UBOX5: variants seen among roughly 807,000 people sequenced by gnomAD.
The protein encoded by UBOX5 is U-box domain containing 5.
In UBOX5, 28 loss-of-function variants were observed where a neutral mutation model predicts 39.0. The ratio of observed to expected loss-of-function variants is 0.72; its 90% CI spans 0.53 to 0.98. The LOEUF (loss-of-function observed/expected upper bound fraction) is 0.98, where lower values mean the gene tolerates loss of function less well. Among genes scored for constraint, UBOX5 ranks in the 50% least tolerant of loss-of-function variants. The pLI is 0.00. For synonymous variants in UBOX5, 283 were observed against 275.5 expected, an observed-to-expected ratio of 1.03 and a Z score of -0.27; for missense variants, 585 against 674.4, an observed-to-expected ratio of 0.87 and a Z score of 1.47.
intron 3 of UBOX5, among the ~76,000 whole-genome samples, chr20:3,118,813 C>T (rs2066313043): frequency 6.6e-6 from 1 of 152,096 alleles, no homozygotes; most frequent in Non-Finnish European, 1.5e-5. Flanking sequence ...TTGGCACGCA[C>T]CTATAGTCCC....
At chr20:3,153,979 A>C (rs1024896619) in intron 1 of UBOX5, among the ~76,000 whole-genome samples, 12 of 152,170 alleles carry the variant, frequency 7.9e-5, no homozygotes, top group Non-Finnish European at 1.6e-4. Flanking sequence ...TGGAATGCTC[A>C]ACCTGTACTT....
chr20:3,147,067 G>A (rs2066571759), intron 1 of UBOX5: 1 of 1,614,204 alleles, frequency 6.2e-7, no homozygotes, highest in Non-Finnish European at 8.5e-7. Context: ...CATTGCAAAG[G>A]AAGCCCCCCA....
chr20:3,116,692 C>G (rs1289891004), intron 3 of UBOX5: 1 of 152,132 alleles, frequency 6.6e-6, no homozygotes, highest in Non-Finnish European at 1.5e-5. Context: ...CTCTTAAAAC[C>G]AAAGACACAG....
intron 1 of UBOX5, among the ~76,000 whole-genome samples, chr20:3,144,283 C>T (rs2066541865): frequency 6.6e-6 from 1 of 152,062 alleles, no homozygotes; most frequent in East Asian, 1.9e-4. Flanking sequence ...GTGGTATTGG[C>T]ATAAGAATAG....
intron 1 of UBOX5, chr20:3,147,879 G>C (rs753715819): frequency 3.1e-6 from 5 of 1,614,146 alleles, no homozygotes; most frequent in Admixed American, 1.7e-5. Context: ...GAGCAGTAAA[G>C]AGTCAGGTGC....
chr20:3,126,009 T>G (rs2066384953), intron 1 of UBOX5, among the ~76,000 whole-genome samples: 1 of 152,088 alleles, frequency 6.6e-6, no homozygotes, highest in South Asian at 2.1e-4. Flanking sequence ...ACCCAATAGC[T>G]CCGAAGAGAC....
chr20:3,158,165 C>T (rs573433735), intron 1 of UBOX5, among the ~76,000 whole-genome samples: 13 of 151,970 alleles, frequency 8.6e-5, no homozygotes, highest in South Asian at 2.1e-4. Flanking sequence ...GACAGAGTTT[C>T]CCTATGTTGC....
At chr20:3,148,288 A>G (rs2066589457) in intron 1 of UBOX5, 2 of 1,611,500 alleles carry the variant, frequency 1.2e-6, no homozygotes, top group East Asian at 4.5e-5. Flanking sequence ...AAATGTTTAA[A>G]AACCTAGGTA....
At chr20:3,143,881 C>T (rs948573694) in intron 1 of UBOX5, among the ~76,000 whole-genome samples, 3 of 152,122 alleles carry the variant, frequency 2.0e-5, no homozygotes, top group African/African-American at 7.2e-5. Context: ...ATCGCTTGAG[C>T]CCAGGATTTG....
chr20:3,149,408 T>C lies in UBOX5; in HGVS notation c.-42+10358A>G, dbSNP rs1260813058. 1 of 281,102 alleles carries C rather than the reference T, an allele frequency of 3.6e-6. No homozygotes were observed. Among genetic ancestry groups the C allele is most frequent in the East Asian group, 7.4e-5 (1 of 13,488 alleles). The allele number at this position is 281,102 out of a possible 1,614,324, so 17.4% of individuals were successfully genotyped here. A position where few individuals can be genotyped will look rare whatever the true frequency, so the allele number is the denominator to read the frequency against. ...TGCCCAAACCACATGACAGCATATATCAAGGATAAATTCTGCGGTCTGTGT... is the reference window on the plus strand; with the variant it reads ...TGCCCAAACCACATGACAGCATATACCAAGGATAAATTCTGCGGTCTGTGT... On this transcript the variant is annotated intron_variant, in intron 1 of 4. Transcript: ENST00000217173. The surrounding 1 kb of genome is among the most constrained non-coding windows in gnomAD (Gnocchi z 4.1).
rs778720269 is a variant in UBOX5, at chr20:3,107,843, G to C, written c.*2263C>G. On this transcript the variant is annotated 3_prime_UTR_variant, in exon 5 of 5. Coordinates refer to ENST00000217173, the MANE Select transcript of UBOX5 (RefSeq NM_014948.4). This position sits in a 1 kb window ranked among gnomAD's most constrained non-coding sequence, Gnocchi z 5.0. ...ATGCAGATCCCCAGGGACCTGCAGC[G>C]GTCTGGGCAGTACCTCCAACACAGC... 10 of 152,290 alleles carry C rather than the reference G, an allele frequency of 6.6e-5. No individual in the cohort carries two copies. Among genetic ancestry groups the C allele is most frequent in the African/African-American group, 2.4e-4 (10 of 41,420 alleles). 9.4% of individuals were successfully genotyped at this position (152,290 alleles called of 1,614,324 possible). A position where few individuals can be genotyped will look rare whatever the true frequency, so the allele number is the denominator to read the frequency against.
At chr20:3,114,946 T>C (rs2066281864) in intron 4 of UBOX5, among the ~76,000 whole-genome samples, 1 of 151,804 alleles carries the variant, frequency 6.6e-6, no homozygotes. Context: ...AGATGCAGTC[T>C]CAAATAAATA....
chr20:3,151,816 G>GCAGGATGGC, intron 1 of UBOX5: 1 of 151,924 alleles, frequency 6.6e-6, no homozygotes, highest in South Asian at 2.1e-4. Flanking sequence ...AAAAGAGACA[G>GCAGGATGGC]CAGGATGGCC....
chr20:3,137,262 A>C (rs1204187306), intron 1 of UBOX5, among the ~76,000 whole-genome samples: 2 of 151,824 alleles, frequency 1.3e-5, no homozygotes, highest in Non-Finnish European at 2.9e-5. Context: ...GTTTCTTTTT[A>C]AAAGATCTAA....
intron 1 of UBOX5, among the ~76,000 whole-genome samples, chr20:3,154,798 T>C (rs915030571): frequency 6.6e-6 from 1 of 151,862 alleles, no homozygotes; most frequent in African/African-American, 2.4e-5. Context: ...AACCAAAAAT[T>C]ATGAGCAAAC....
rs769562837 is a variant in UBOX5 at position 3,121,374 on chromosome 20, G to T, written c.1255+10C>A. ...ATGAGCCTGGCTGCGGACACAGGAT[G>T]CTGAATTACCTGTCGAGCAGTCCAT... On this transcript the variant is annotated intron_variant, in intron 3 of 4. Transcript: ENST00000217173. 1.9e-6 allele frequency: 3 copies of T among 1,597,708 alleles called. No individual in the cohort carries two copies. The highest frequency in any genetic ancestry group is 1.7e-5 in the Admixed American group (1 of 58,560).
chr20:3,115,425 T>C lies in UBOX5; in HGVS notation c.1297A>G (p.Ile433Val). 6.2e-7 allele frequency: 1 copy of C among 1,614,000 alleles called. No homozygotes were observed. The change falls in exon 4 of 5, where the codon ATT (isoleucine) becomes GTT (valine). Residue 433 changes from isoleucine (I) to valine (V), a missense_variant. Coordinates refer to ENST00000217173, the MANE Select transcript of UBOX5 (RefSeq NM_014948.4). ...HEQKLSQSLE[I>V]ALASTLGSMP... ...GAGCCAAGGGTGGATGCCAAGGCAATTTCCAAGCTTTGTGACAGCTTCTGC... is the reference window on the plus strand; with the variant it reads ...GAGCCAAGGGTGGATGCCAAGGCAACTTCCAAGCTTTGTGACAGCTTCTGC...
intron 1 of UBOX5, among the ~76,000 whole-genome samples, chr20:3,127,873 T>A (rs2066402436): frequency 6.6e-6 from 1 of 152,186 alleles, no homozygotes; most frequent in Non-Finnish European, 1.5e-5. Context: ...TGGCTTTAAG[T>A]TCATCATGAT....
rs752542712 is a variant in UBOX5, at chr20:3,148,058, C to T, written c.-42+11708G>A. 5.0e-6 allele frequency: 8 copies of T among 1,614,160 alleles called. No individual in the cohort carries two copies. The highest frequency in any genetic ancestry group is 1.6e-4 in the Middle Eastern group (1 of 6,062). ...AGCACAAGCCAAGTCTCCAATTTTC[C>T]GCATGACAAATTCAGAGAGATTAGT... On this transcript the variant is annotated intron_variant, in intron 1 of 4. Coordinates refer to ENST00000217173, the MANE Select transcript of UBOX5 (RefSeq NM_014948.4).
Sources: gnomAD v4.1 joint callset for allele counts (sites outside exome capture counted in the v4.1 genomes callset) on GRCh38, gnomAD v4.1.1 for gene constraint, Gnocchi (gnomAD v3.1) non-coding constraint, MANE v1.5 for transcripts, NCBI Gene and HGNC (gene_info 2026-07-23, HGNC 2026-07-21) for gene names.